SCAF8: variants seen among roughly 807,000 people sequenced by gnomAD.
The protein encoded by SCAF8 is SR-related CTD associated factor 8.
In SCAF8, 23 loss-of-function variants were observed where a neutral mutation model predicts 140.5. That is an observed-to-expected ratio of 0.16 (90% CI 0.12 to 0.23). The LOEUF (loss-of-function observed/expected upper bound fraction) is 0.23. SCAF8 is among the 10% of genes least tolerant of loss of function. SCAF8 has a pLI of 1.00. For missense variants in SCAF8, 1,397 were observed against 1,555.7 expected (o/e 0.90, Z 1.72); for synonymous variants, 575 against 528.9 (o/e 1.09, Z -1.20).
chr6:154,781,668 T>G (rs9479956), intron 3 of SCAF8, among the ~76,000 whole-genome samples: 1 of 151,998 alleles, frequency 6.6e-6, no homozygotes, highest in African/African-American at 2.4e-5. Flanking sequence ...GGGTATGAAT[T>G]TACCACAGTT....
intron 5 of SCAF8, among the ~76,000 whole-genome samples, chr6:154,794,737 A>G (rs1583041759): frequency 9.3e-6 from 1 of 107,738 alleles, no homozygotes; most frequent in Admixed American, 1.3e-4. Context: ...TGAGGAGGAC[A>G]AATTTGGACA....
intron 4 of SCAF8, among the ~76,000 whole-genome samples, chr6:154,788,897 C>T (rs1472553291): frequency 6.6e-6 from 1 of 152,042 alleles, no homozygotes; most frequent in South Asian, 2.1e-4. Flanking sequence ...CTTTTTCTGA[C>T]AGGGTTGATT....
chr6:154,830,649 T>G (rs1583074672), intron 18 of SCAF8, among the ~76,000 whole-genome samples: 1 of 152,336 alleles, frequency 6.6e-6, no homozygotes, highest in South Asian at 2.1e-4. Context: ...ATTAATTTTT[T>G]TGTTACTAGA....
At position 154,780,147 on chromosome 6, in the gene SCAF8, A is replaced by G. The variant is rs893705202; in HGVS notation, c.159+2102A>G. The stretch of plus-strand genomic sequence containing the variant: ...CTTGTGTTTCCCTTTTATATACTCT[A>G]TAGTCATACTCGACTCACCTCCTCC... On this transcript the variant is annotated intron_variant, in intron 3 of 19. Transcript: ENST00000367178. 4.6e-5 allele frequency among the ~76,000 whole-genome samples: 7 copies of G among 152,098 alleles called. No homozygotes were observed. In the South Asian group the frequency reaches 8.3e-4, roughly 18 times the overall value.
intron 1 of SCAF8, among the ~76,000 whole-genome samples, chr6:154,755,742 G>A (rs1211708935): frequency 1.3e-5 from 2 of 152,088 alleles, no homozygotes; most frequent in African/African-American, 4.8e-5. Flanking sequence ...GCTGTGAAAC[G>A]GGAAGATTTA....
intron 14 of SCAF8, among the ~76,000 whole-genome samples, chr6:154,819,138 AT>A (rs1778340779): frequency 2.0e-5 from 3 of 151,944 alleles, no homozygotes; most frequent in South Asian, 4.1e-4. Flanking sequence ...GATTTCTGTT[AT>A]TTGAAGTTTA....
At chr6:154,828,590 T>A (rs1241315968) in intron 18 of SCAF8, among the ~76,000 whole-genome samples, 1 of 152,162 alleles carries the variant, frequency 6.6e-6, no homozygotes. Context: ...CCCTGTCACA[T>A]TAGTTTTGAG....
In SCAF8 at chr6:154,761,474, T is replaced by G. The variant is rs1472009057; in HGVS notation, c.31-12515T>G. 3.9e-5 allele frequency among the ~76,000 whole-genome samples: 6 copies of G among 152,182 alleles called. No individual in the cohort carries two copies. In the East Asian group the frequency reaches 5.8e-4, roughly 15 times the overall value. On this transcript the variant is annotated intron_variant, in intron 1 of 19. Transcript: ENST00000367178. The stretch of plus-strand genomic sequence containing the variant: ...GCACTCCATACTCCAGCCTGGGCAA[T>G]AGAGAGAGACCCCTTCTCCAAACAA...
chr6:154,759,469 A>G (rs1227303385), intron 1 of SCAF8, among the ~76,000 whole-genome samples: 5 of 152,194 alleles, frequency 3.3e-5, no homozygotes, highest in Non-Finnish European at 5.9e-5. Flanking sequence ...GACAGTTGCC[A>G]TGCTTGAAAA....
chr6:154,781,215 G>A (rs571758036), intron 3 of SCAF8, among the ~76,000 whole-genome samples: 2 of 152,142 alleles, frequency 1.3e-5, no homozygotes, highest in South Asian at 2.1e-4. Flanking sequence ...AGAGAGCCAC[G>A]TTATGAATGA....
chr6:154,814,728 A>G (rs1554263260), intron 12 of SCAF8, among the ~76,000 whole-genome samples: 1 of 152,238 alleles, frequency 6.6e-6, no homozygotes, highest in Non-Finnish European at 1.5e-5. Context: ...TTTTTTAAAT[A>G]AATGTCTTCT....
chr6:154,794,783 GTGTGTGT>G (rs1777546934), intron 5 of SCAF8, among the ~76,000 whole-genome samples: 5 of 13,962 alleles, frequency 3.6e-4, no homozygotes, highest in African/African-American at 9.9e-4. Flanking sequence ...TGTGGGGGGT[GTGTGTGT>G]GTGTGTGTGT....
At chr6:154,734,155 G>T (rs1229822817) in intron 1 of SCAF8, among the ~76,000 whole-genome samples, 2 of 152,204 alleles carry the variant, frequency 1.3e-5, no homozygotes, top group African/African-American at 4.8e-5. Flanking sequence ...GGAGGTTCTG[G>T]CGTCTCCGGC....
At chr6:154,818,863 A>G (rs1346825192) in intron 14 of SCAF8, among the ~76,000 whole-genome samples, 1 of 152,222 alleles carries the variant, frequency 6.6e-6, no homozygotes, top group Non-Finnish European at 1.5e-5. Flanking sequence ...ACACTTGCAC[A>G]GCTTTCTGAG....
In SCAF8 at chr6:154,833,152, T is replaced by G; in HGVS notation, c.3573T>G (p.Pro1191=). Reference sequence around the variant, plus strand: ...TTCAAAACACTTGGGTTCCCCCTCCTCATGCTCGGGTTTTTGATTATTTTG... The same window carrying G: ...TTCAAAACACTTGGGTTCCCCCTCCGCATGCTCGGGTTTTTGATTATTTTG... ...DRIQNTWVPP[P]HARVFDYFEG... The change falls in exon 20 of 20, where the codon CCT becomes CCG. Residue 1191 remains proline, a synonymous_variant. Coordinates refer to ENST00000367178, the MANE Select transcript of SCAF8 (RefSeq NM_014892.5). 6.2e-7 allele frequency: 1 copy of G among 1,614,104 alleles called. No individual in the cohort carries two copies. Among genetic ancestry groups the G allele is most frequent in the Non-Finnish European group, 8.5e-7 (1 of 1,179,994 alleles).
rs776165847 is a variant in SCAF8, at chr6:154,778,009, A to G, written c.123A>G (p.Lys41=). ...TTTTTTTCCTCTTTTAGTTCTATAA[A>G]CATGTGGTACAGAGTGTTGAGAAGT... The part of the protein sequence containing the change: ...KAAIKAIKFY[K]HVVQSVEKFI... The change falls in exon 3 of 20, where the codon AAA becomes AAG. Residue 41 remains lysine, a synonymous_variant. Transcript: ENST00000367178. 20 of 1,511,640 alleles carry G rather than the reference A, an allele frequency of 1.3e-5. No individual in the cohort carries two copies. The highest frequency in any genetic ancestry group is 1.4e-5 in the Non-Finnish European group (15 of 1,092,342). The allele number at this position is 1,511,640 out of a possible 1,614,324, so 93.6% of individuals were successfully genotyped here.
rs115246222 is a variant in SCAF8 at position 154,818,836 on chromosome 6, A to G, written c.1635+244A>G. On this transcript the variant is annotated intron_variant, in intron 14 of 19. Coordinates refer to ENST00000367178, the MANE Select transcript of SCAF8 (RefSeq NM_014892.5). ...AGTCCAATAACGAGAACTTTAGTCA[A>G]TTACTTCCTTGAAATTACACTTGCA... Among the ~76,000 whole-genome samples the G allele has an allele frequency of 3.5e-3, 536 of 152,342 alleles. 5 individuals carry two copies. The highest frequency in any genetic ancestry group is 0.012 in the African/African-American group (505 of 41,578).
chr6:154,801,608 A>G (rs1777773258), intron 6 of SCAF8, among the ~76,000 whole-genome samples: 1 of 151,498 alleles, frequency 6.6e-6, no homozygotes, highest in Non-Finnish European at 1.5e-5. Context: ...GTAATTCTGA[A>G]TAACAGCAAA....
At chr6:154,805,507 G>T in intron 9 of SCAF8, 21 bp downstream of exon 9, 1 of 1,376,404 alleles carries the variant, frequency 7.3e-7, no homozygotes, top group South Asian at 1.3e-5. Flanking sequence ...CCATCTTGTG[G>T]TCTTTAGAGT....
Sources: gnomAD v4.1 joint callset for allele counts (sites outside exome capture counted in the v4.1 genomes callset) on GRCh38, gnomAD v4.1.1 for gene constraint, MANE v1.5 for transcripts, NCBI Gene and HGNC (gene_info 2026-07-23, HGNC 2026-07-21) for gene names.